The following ADA2 variants were observed in gnomAD, a reference collection of about 807,000 sequenced individuals.
ADA2 encodes adenosine deaminase CECR1.
Under a neutral mutation model 44.2 loss-of-function variants are expected in ADA2, and 29 were observed. The ratio of observed to expected loss-of-function variants is 0.66; its 90% CI spans 0.49 to 0.89. The LOEUF (loss-of-function observed/expected upper bound fraction) is 0.89, where lower values mean the gene tolerates loss of function less well. Ranked by LOEUF, ADA2 falls within the 40% of genes least tolerant of loss-of-function variation. The pLI is 0.00. For synonymous variants in ADA2, 215 were observed against 234.9 expected (o/e 0.92, Z 0.77); for missense variants, 637 against 644.8 (o/e 0.99, Z 0.13).
At chr22:17,194,322 C>T (rs1489907350) in intron 4 of ADA2, among the ~76,000 whole-genome samples, 2 of 152,176 alleles carry the variant, frequency 1.3e-5, no homozygotes, top group African/African-American at 4.8e-5. Flanking sequence ...GAGTCCACCT[C>T]CTCTGCTCAT....
chr22:17,199,850 G>A (rs573039714), intron 4 of ADA2: 17 of 975,208 alleles, frequency 1.7e-5, no homozygotes, highest in South Asian at 1.6e-4. Flanking sequence ...AGGCCGACGT[G>A]GGTGTATTTG....
Position 17,181,324 on chromosome 22 carries a change from C to T in ADA2, c.*159G>A. Reference sequence around the variant, plus strand: ...CACTGTGGCTGAGAGAGAATATTTCCAGAGGATGAATTTGCTCAGCCAGCC... The same window carrying T: ...CACTGTGGCTGAGAGAGAATATTTCTAGAGGATGAATTTGCTCAGCCAGCC... On this transcript the variant is annotated 3_prime_UTR_variant, in exon 10 of 10. Transcript: ENST00000399837. 3.1e-6 allele frequency: 2 copies of T among 651,948 alleles called. No individual in the cohort carries two copies. Among genetic ancestry groups the T allele is most frequent in the East Asian group, 2.6e-5 (1 of 38,296 alleles). The allele number at this position is 651,948 out of a possible 1,614,324, so 40.4% of individuals were successfully genotyped here. A position where few individuals can be genotyped will look rare whatever the true frequency, so the allele number is the denominator to read the frequency against.
At chr22:17,187,842 C>A (rs1231451193) in intron 7 of ADA2, among the ~76,000 whole-genome samples, 1 of 151,950 alleles carries the variant, frequency 6.6e-6, no homozygotes, top group African/African-American at 2.4e-5. Flanking sequence ...CAGTGGCTCA[C>A]CCTTGTAATT....
rs1206068389 is a variant in ADA2 at position 17,207,198 on chromosome 22, T to C, written c.415A>G (p.Thr139Ala). 1 of 1,613,898 alleles carries C rather than the reference T, an allele frequency of 6.2e-7. No homozygotes were observed. The highest frequency in any genetic ancestry group is 1.7e-5 in the Admixed American group (1 of 60,010). Residue 139 changes from threonine (T) to alanine (A), a missense_variant, in exon 3 of 10, where the codon ACC becomes GCC. Physicochemically the swap from Thr to Ala is moderately conservative, Grantham distance 58 (BLOSUM62 0). Transcript: ENST00000399837. ...TYRPHCHICF[T>A]PRGIMQFRFA... ...CTGAACTGCATGATCCCCCTTGGGG[T>C]GAAACAGATGTGGCAGTGAGGCCTG...
upstream of ADA2, among the ~76,000 whole-genome samples, chr22:17,221,379 C>T (rs527256312): frequency 9.9e-5 from 15 of 152,000 alleles, no homozygotes; most frequent in Non-Finnish European, 1.5e-5. Context: ...TGTTGGTTTG[C>T]TGCACCCATC....
At chr22:17,200,523 G>A (rs181502871) in intron 4 of ADA2, among the ~76,000 whole-genome samples, 1 of 152,268 alleles carries the variant, frequency 6.6e-6, no homozygotes. Flanking sequence ...AGATCCAAGT[G>A]GAGACATGCA....
Position 17,182,723 on chromosome 22 carries a change from C to A in ADA2, c.1120G>T (p.Ala374Ser). The part of the protein sequence containing the change: ...GTSIDRNILD[A>S]LMLNTTRIGH... Reference sequence around the variant, plus strand: ...ATTCTGGTAGTGTTCAGCATCAGAGCATCCAGAATGTTCCTGTCTATGGAA... The same window carrying A: ...ATTCTGGTAGTGTTCAGCATCAGAGAATCCAGAATGTTCCTGTCTATGGAA... The change falls in exon 8 of 10, where the codon GCT (alanine) becomes TCT (serine). Residue 374 changes from alanine (A) to serine (S), a missense_variant. Coordinates refer to ENST00000399837, the MANE Select transcript of ADA2 (RefSeq NM_001282225.2). The A allele has an allele frequency of 6.2e-7, 1 of 1,613,960 alleles. No individual in the cohort carries two copies. The highest frequency in any genetic ancestry group is 8.5e-7 in the Non-Finnish European group (1 of 1,180,024).
At chr22:17,199,446 T>TCCCTCCCCACCACTATCCTCTTCCCCA in intron 4 of ADA2, 1 of 917,614 alleles carries the variant, frequency 1.1e-6, no homozygotes, top group African/African-American at 1.7e-5. Context: ...CCTCTTCCCC[T>TCCCTCCCCACCACTATCCTCTTCCCCA]CCACCCACGA....
chr22:17,201,275 G>A (rs1076105), intron 4 of ADA2, among the ~76,000 whole-genome samples: 10,313 of 152,046 alleles, frequency 0.068, 432 homozygotes, highest in Middle Eastern at 0.15. Flanking sequence ...TGTCTGGTCC[G>A]AATGATAACA....
chr22:17,206,845 A>G (rs2062358115), intron 3 of ADA2, among the ~76,000 whole-genome samples: 1 of 152,126 alleles, frequency 6.6e-6, no homozygotes, highest in African/African-American at 2.4e-5. Flanking sequence ...TTTGGTAGAG[A>G]TGGGCTTTCA....
In ADA2 at chr22:17,207,234, T is replaced by G. The variant is rs760823761; in HGVS notation, c.379A>C (p.Asn127His). ...TGGCAGTGAGGCCTGTAGGTGACAT[T>G]CCTCACCAGCCAGTCCATAGTCACG... is the stretch of plus-strand genomic sequence containing the variant. ...GIVTMDWLVR[N>H]VTYRPHCHIC... is the part of the protein sequence containing the mutation. The change falls in exon 3 of 10, where the codon AAT becomes CAT. Residue 127 changes from asparagine to histidine, a missense_variant. Coordinates refer to ENST00000399837, the MANE Select transcript of ADA2 (RefSeq NM_001282225.2). The G allele has an allele frequency of 1.2e-6, 2 of 1,613,480 alleles. No homozygotes were observed. Among genetic ancestry groups the G allele is most frequent in the East Asian group, 4.5e-5 (2 of 44,878 alleles).
chr22:17,186,040 G>A (rs2062031850), intron 7 of ADA2, among the ~76,000 whole-genome samples: 1 of 152,230 alleles, frequency 6.6e-6, no homozygotes, highest in Non-Finnish European at 1.5e-5. Context: ...GGAGTTCTGG[G>A]AAAGAAAGAT....
At chr22:17,188,247 C>A (rs1279544324) in intron 7 of ADA2, 92 bp downstream of exon 7, 8 of 852,738 alleles carry the variant, frequency 9.4e-6, no homozygotes, top group African/African-American at 3.3e-5. Flanking sequence ...TCTGGAAACG[C>A]CTGTAGGCTC....
intron 3 of ADA2, among the ~76,000 whole-genome samples, chr22:17,205,512 G>C (rs1364158673): frequency 3.3e-5 from 5 of 152,158 alleles, no homozygotes; most frequent in Non-Finnish European, 7.3e-5. Flanking sequence ...GAAATAACTC[G>C]AATCAGCACC....
chr22:17,188,462 G>GGGACA lies in ADA2; in HGVS notation c.973-20_973-16dup, dbSNP rs1476991912. The stretch of plus-strand genomic sequence containing the variant: ...TCATGCCCCACCTGCAGGACAGAGA[G>GGGACA]GGACAGGGAGGTGTCTGCAGGGCGC... On this transcript the variant is annotated splice_polypyrimidine_tract_variant and intron_variant, in intron 6 of 9. Transcript: ENST00000399837. 2 of 1,575,222 alleles carry GGGACA rather than the reference G, an allele frequency of 1.3e-6. No individual in the cohort carries two copies. The highest frequency in any genetic ancestry group is 3.3e-5 in the Admixed American group (2 of 59,908).
intron 7 of ADA2, among the ~76,000 whole-genome samples, chr22:17,187,647 G>T (rs1372730562): frequency 2.1e-5 from 3 of 145,552 alleles, no homozygotes; most frequent in Non-Finnish European, 4.5e-5. Context: ...GCAGGATTAT[G>T]CCCCTACCAC....
chr22:17,207,421 C>A (rs764169860), intron 2 of ADA2, 131 bp from the exon 3 acceptor site: 55 of 640,638 alleles, frequency 8.6e-5, no homozygotes, highest in Non-Finnish European at 1.2e-4. Context: ...GGGGTGAAGT[C>A]CCATCCCAGG....
intron 4 of ADA2, among the ~76,000 whole-genome samples, chr22:17,194,546 T>G (rs1301240317): frequency 6.6e-6 from 1 of 152,154 alleles, no homozygotes; most frequent in African/African-American, 2.4e-5. Flanking sequence ...AGTGAGGCTC[T>G]CCACTGGTCT....
chr22:17,191,903 C>T, intron 4 of ADA2, 93 bp from the exon 5 acceptor site: 1 of 1,321,068 alleles, frequency 7.6e-7, no homozygotes. Flanking sequence ...CCTGGCCAGC[C>T]ACCCCTGCCC....
Sources: gnomAD v4.1 joint callset for allele counts (sites outside exome capture counted in the v4.1 genomes callset) on GRCh38, gnomAD v4.1.1 for gene constraint, MANE v1.5 for transcripts, NCBI Gene and HGNC (gene_info 2026-07-23, HGNC 2026-07-21) for gene names.